Variants in DCHS2 observed in about 807,000 individuals in gnomAD.
DCHS2 encodes the protein dachsous cadherin-related 2.
In DCHS2, 142 loss-of-function variants were observed where a neutral mutation model predicts 182.4. The observed-to-expected ratio is 0.78, with a 90% CI of 0.68 to 0.89. The LOEUF is 0.89. DCHS2 is among the 40% of genes least tolerant of loss of function. The probability of loss-of-function intolerance (pLI) is 0.00; values close to 1 mark genes in which losing one functional copy is unlikely to be tolerated. For synonymous variants in DCHS2, 1,740 were observed against 1,663.3 expected, an observed-to-expected ratio of 1.05 and a Z score of -1.12; for missense variants, 4,319 against 4,198.6, an observed-to-expected ratio of 1.03 and a Z score of -0.79.
intron 1 of DCHS2, among the ~76,000 whole-genome samples, chr4:154,390,436 T>C (rs1731645776): frequency 6.6e-6 from 1 of 151,894 alleles, no homozygotes; most frequent in African/African-American, 2.4e-5. Flanking sequence ...GAAATACTGG[T>C]AGCAACTGTA....
At chr4:154,362,048 ATCT>A (rs1391640106) in intron 3 of DCHS2, among the ~76,000 whole-genome samples, 1 of 152,206 alleles carries the variant, frequency 6.6e-6, no homozygotes, top group Non-Finnish European at 1.5e-5. Flanking sequence ...TCAATTCTCA[ATCT>A]TCTTCTCATA....
At chr4:154,403,155 C>A (rs1732260487) in intron 1 of DCHS2, among the ~76,000 whole-genome samples, 1 of 151,932 alleles carries the variant, frequency 6.6e-6, no homozygotes, top group Non-Finnish European at 1.5e-5. Context: ...CCTTTTATTT[C>A]TTTTCCTTGC....
At chr4:154,342,987 T>G (rs1729178990) in intron 3 of DCHS2, among the ~76,000 whole-genome samples, 1 of 152,246 alleles carries the variant, frequency 6.6e-6, no homozygotes, top group Non-Finnish European at 1.5e-5. Context: ...ATGCATGGAT[T>G]GCAGAATGAA....
intron 19 of DCHS2, among the ~76,000 whole-genome samples, chr4:154,238,406 A>G (rs1401522464): frequency 6.6e-6 from 1 of 152,208 alleles, no homozygotes; most frequent in Non-Finnish European, 1.5e-5. Context: ...TGGGGAACAC[A>G]GAGTGTGATG....
In DCHS2 at chr4:154,333,868, A is replaced by G. The variant is rs1014634712; in HGVS notation, c.2714-374T>C. ...CACTGACAAAATTTTCTAATGAGGC[A>G]TTTCTCAAAACATTTCCCATCGTTA... On this transcript the variant is annotated intron_variant, in intron 4 of 19. Transcript: ENST00000357232. 9 of 206,626 alleles carry G rather than the reference A, an allele frequency of 4.4e-5. No homozygotes were observed. The East Asian group carries it at 9.9e-4, about 23-fold the overall frequency. 12.8% of individuals were successfully genotyped at this position (206,626 alleles called of 1,614,324 possible). A position where few individuals can be genotyped will look rare whatever the true frequency, so the allele number is the denominator to read the frequency against.
intron 1 of DCHS2, among the ~76,000 whole-genome samples, chr4:154,433,543 C>A (rs1005523612): frequency 6.6e-6 from 1 of 151,668 alleles, no homozygotes; most frequent in Non-Finnish European, 1.5e-5. Context: ...TACAGGCGTG[C>A]GCCACCATGC....
chr4:154,438,906 C>G (rs900380952), intron 1 of DCHS2, among the ~76,000 whole-genome samples: 1 of 152,210 alleles, frequency 6.6e-6, no homozygotes, highest in African/African-American at 2.4e-5. Flanking sequence ...AAGGGGACAT[C>G]TATAAAGAGT....
intron 3 of DCHS2, among the ~76,000 whole-genome samples, chr4:154,339,850 A>T (rs976273091): frequency 3.3e-5 from 5 of 152,240 alleles, no homozygotes; most frequent in African/African-American, 1.2e-4. Flanking sequence ...AAGTTTGAAT[A>T]CAAACACTAA....
chr4:154,236,453 C>G lies in DCHS2; in HGVS notation c.8199G>C (p.Met2733Ile). Residue 2733 changes from methionine to isoleucine, a missense_variant, in exon 20 of 20, where the codon ATG (methionine) becomes ATC (isoleucine). Coordinates refer to ENST00000357232, the MANE Select transcript of DCHS2 (RefSeq NM_001358235.2). ...CTTGGACAGTTAAGGTGAATTTTGT[C>G]ATTTTTTCATAATCCAGAGGTTTAA... ...YLIKPLDYEKMTKFTLTVQAS... is the reference protein window; with the variant it reads ...YLIKPLDYEKITKFTLTVQAS... 1 of 1,613,936 alleles carries G rather than the reference C, an allele frequency of 6.2e-7. No individual in the cohort carries two copies. The highest frequency in any genetic ancestry group is 8.5e-7 in the Non-Finnish European group (1 of 1,179,928).
rs1336686252 is a variant in DCHS2 at position 154,433,397 on chromosome 4, T to TTTTTTG, written c.2052+55906_2052+55907insCAAAAA. Among the ~76,000 whole-genome samples, 117 of 133,526 alleles carry TTTTTTG rather than the reference T, an allele frequency of 8.8e-4. 2 individuals are homozygous for TTTTTTG. The highest frequency in any genetic ancestry group is 1.7e-3 in the Non-Finnish European group (102 of 61,182). The allele number at this position is 133,526 out of a possible 152,430, so 87.6% of individuals were successfully genotyped here. On this transcript the variant is annotated intron_variant, in intron 1 of 19. Transcript: ENST00000357232. ...AAATAACTAGTTTTTTTTTTTTCCT[T>TTTTTTG]TTTTTTTTTTTTTTTTGAGACAGAG... is the stretch of plus-strand genomic sequence containing the variant.
intron 1 of DCHS2, among the ~76,000 whole-genome samples, chr4:154,443,350 T>C (rs977038359): frequency 2.6e-5 from 4 of 152,226 alleles, no homozygotes; most frequent in African/African-American, 9.6e-5. Context: ...CTCAAGGCTG[T>C]GGTAAAATAA....
chr4:154,264,409 G>C (rs1264326728), intron 14 of DCHS2, among the ~76,000 whole-genome samples: 1 of 151,942 alleles, frequency 6.6e-6, no homozygotes, highest in Non-Finnish European at 1.5e-5. Context: ...AAAAGACAAA[G>C]AGTTGAAAAA....
At chr4:154,415,716 C>T (rs1279968376) in intron 1 of DCHS2, among the ~76,000 whole-genome samples, 1 of 152,030 alleles carries the variant, frequency 6.6e-6, no homozygotes, top group Admixed American at 6.6e-5. Context: ...AGGAGGAAAC[C>T]GAGGTCGGTG....
At chr4:154,253,056 G>T (rs1301112589) in intron 16 of DCHS2, among the ~76,000 whole-genome samples, 1 of 141,984 alleles carries the variant, frequency 7.0e-6, no homozygotes, top group East Asian at 2.3e-4. Context: ...ATCAAGAAAA[G>T]CACTAAAGGA....
rs1359043750 is a variant in DCHS2 at position 154,333,137 on chromosome 4, C to T, written c.3071G>A (p.Gly1024Asp). ...CAGGGCTCTGTCGATGGCAAAGACG[C>T]CTGGCTGCGGGCTGGCGATGGAGTA... ...IRYSIASPQP[G>D]VFAIDRALGV... The change falls in exon 5 of 20, where the codon GGC becomes GAC. Residue 1024 changes from glycine (G) to aspartate (D), a missense_variant. Coordinates refer to ENST00000357232, the MANE Select transcript of DCHS2 (RefSeq NM_001358235.2). 2 of 1,614,164 alleles carry T rather than the reference C, an allele frequency of 1.2e-6. No individual in the cohort carries two copies. The highest frequency in any genetic ancestry group is 1.7e-5 in the Admixed American group (1 of 60,038).
intron 1 of DCHS2, among the ~76,000 whole-genome samples, chr4:154,453,692 G>A (rs1734637830): frequency 6.6e-6 from 1 of 152,164 alleles, no homozygotes; most frequent in South Asian, 2.1e-4. Flanking sequence ...CCATTCACAA[G>A]TGTCAGACTG....
chr4:154,362,322 A>C (rs1336686785), intron 3 of DCHS2, among the ~76,000 whole-genome samples: 1 of 152,208 alleles, frequency 6.6e-6, no homozygotes, highest in Non-Finnish European at 1.5e-5. Context: ...TGTGATTCAG[A>C]AAGAGGATTT....
chr4:154,403,590 T>A (rs1371297575), intron 1 of DCHS2, among the ~76,000 whole-genome samples: 1 of 152,172 alleles, frequency 6.6e-6, no homozygotes, highest in Admixed American at 6.5e-5. Context: ...TTAGAGATAC[T>A]GGCTGTAATT....
intron 1 of DCHS2, among the ~76,000 whole-genome samples, chr4:154,399,992 A>AT (rs1560735432): frequency 6.6e-6 from 1 of 151,958 alleles, no homozygotes; most frequent in Non-Finnish European, 1.5e-5. Context: ...CCAGAGTAAG[A>AT]TTTTCCTTTA....
Sources: allele counts gnomAD v4.1 joint callset (sites outside exome capture counted in the v4.1 genomes callset), GRCh38; gene constraint gnomAD v4.1.1; transcripts MANE v1.5; gene names NCBI Gene and HGNC (gene_info 2026-07-23, HGNC 2026-07-21).